EFCAB9: variants seen among roughly 807,000 people sequenced by gnomAD.
EFCAB9 encodes the protein EF-hand calcium-binding domain-containing protein 9.
A neutral mutation model predicts 15.6 loss-of-function variants in EFCAB9; 16 were observed. The observed-to-expected ratio is 1.03, with a 90% CI of 0.69 to 1.56. The LOEUF (loss-of-function observed/expected upper bound fraction) is 1.56. Ranked by LOEUF, EFCAB9 falls within the 40% of genes most tolerant of loss-of-function variation. The pLI is 0.00. For missense variants in EFCAB9, 208 were observed against 235.4 expected (o/e 0.88, Z 0.76); for synonymous variants, 76 against 85.4 (o/e 0.89, Z 0.61).
intron 3 of EFCAB9, among the ~76,000 whole-genome samples, chr5:172,202,353 A>AAAAAG (rs1771269560): frequency 6.7e-6 from 1 of 149,362 alleles, no homozygotes; most frequent in African/African-American, 2.5e-5. Context: ...AAAAAAAAAA[A>AAAAAG]AAAGAAAGTA....
chr5:172,199,069 C>A (rs532239262), intron 1 of EFCAB9, among the ~76,000 whole-genome samples: 1 of 152,190 alleles, frequency 6.6e-6, no homozygotes, highest in Non-Finnish European at 1.5e-5. Flanking sequence ...TATATGTTAG[C>A]GCCTTGCCTT....
chr5:172,199,659 G>T, intron 2 of EFCAB9, 128 bp downstream of exon 2: 1 of 1,354,916 alleles, frequency 7.4e-7, no homozygotes, highest in Non-Finnish European at 9.8e-7. Flanking sequence ...ATGAGTTTTG[G>T]TTCCCGAATG....
intron 1 of EFCAB9, among the ~76,000 whole-genome samples, chr5:172,195,442 A>G (rs1771144882): frequency 6.6e-6 from 1 of 152,364 alleles, no homozygotes; most frequent in Non-Finnish European, 1.5e-5. Context: ...TTCTCTCTTT[A>G]CATAGAGATT....
chr5:172,197,903 C>G (rs1422413920), intron 1 of EFCAB9, among the ~76,000 whole-genome samples: 1 of 151,938 alleles, frequency 6.6e-6, no homozygotes, highest in Non-Finnish European at 1.5e-5. Flanking sequence ...GTGCTGATTG[C>G]TCCATTTTAC....
chr5:172,198,805 A>G (rs1451922012), intron 1 of EFCAB9, among the ~76,000 whole-genome samples: 5 of 152,138 alleles, frequency 3.3e-5, no homozygotes, highest in Non-Finnish European at 7.4e-5. Context: ...TAGTAGAGAC[A>G]GGGTTTCACC....
At chr5:172,200,025 C>T (rs1437315838) in intron 2 of EFCAB9, among the ~76,000 whole-genome samples, 2 of 150,546 alleles carry the variant, frequency 1.3e-5, no homozygotes, top group African/African-American at 2.5e-5. Context: ...CAACCTCCAC[C>T]ATCTGGGTTC....
In EFCAB9 at chr5:172,199,304, C is replaced by T; in HGVS notation, c.137-79C>T. The T allele has an allele frequency of 2.8e-6, 4 of 1,446,252 alleles. No homozygotes were observed. The East Asian group carries it at 1.0e-4, about 36-fold the overall frequency. 89.6% of individuals were successfully genotyped at this position (1,446,252 alleles called of 1,614,324 possible). A position where few individuals can be genotyped will look rare whatever the true frequency, so the allele number is the denominator to read the frequency against. ...ATCAATAAGCTTCCAACATCACTAC[C>T]ATTTACATGGCTTCTAGCTGTTTAG... On this transcript the variant is annotated intron_variant, in intron 1 of 3. Transcript: ENST00000398186.
At chr5:172,194,904 T>C (rs1227316464) in intron 1 of EFCAB9, among the ~76,000 whole-genome samples, 1 of 150,912 alleles carries the variant, frequency 6.6e-6, no homozygotes, top group Non-Finnish European at 1.5e-5. Flanking sequence ...AGGCTTCTCA[T>C]AATGGAGTCC....
At chr5:172,199,063 T>A (rs1771209143) in intron 1 of EFCAB9, among the ~76,000 whole-genome samples, 1 of 152,252 alleles carries the variant, frequency 6.6e-6, no homozygotes, top group Admixed American at 6.5e-5. Context: ...CCATTTTATA[T>A]GTTAGCGCCT....
chr5:172,196,122 G>A (rs147578013), intron 1 of EFCAB9, among the ~76,000 whole-genome samples: 13 of 152,046 alleles, frequency 8.6e-5, no homozygotes, highest in Non-Finnish European at 1.6e-4. Context: ...TATCACACCC[G>A]GCCTCAAAAC....
intron 1 of EFCAB9, among the ~76,000 whole-genome samples, chr5:172,197,465 T>G (rs1561842444): frequency 6.6e-6 from 1 of 152,212 alleles, no homozygotes; most frequent in Non-Finnish European, 1.5e-5. Context: ...CCACATCACC[T>G]AGGAGCTTGG....
intron 3 of EFCAB9, among the ~76,000 whole-genome samples, chr5:172,202,980 CAGAG>C (rs1200118221): frequency 1.3e-5 from 2 of 152,172 alleles, no homozygotes; most frequent in Non-Finnish European, 2.9e-5. Flanking sequence ...GCCTGGGCGA[CAGAG>C]AGAGACTCCG....
At chr5:172,195,179 AATAAAAAT>A (rs1001133900) in intron 1 of EFCAB9, among the ~76,000 whole-genome samples, 2 of 146,012 alleles carry the variant, frequency 1.4e-5, no homozygotes, top group African/African-American at 5.1e-5. Context: ...TAAATAAATA[AATAAAAAT>A]AAATAAATAA....
intron 3 of EFCAB9, among the ~76,000 whole-genome samples, chr5:172,201,454 GA>G (rs2113861522): frequency 6.6e-6 from 1 of 152,284 alleles, no homozygotes; most frequent in East Asian, 1.9e-4. Flanking sequence ...GGCTGAGGCA[GA>G]AGAATCACTT....
chr5:172,198,898 G>A (rs937240834), intron 1 of EFCAB9, among the ~76,000 whole-genome samples: 1 of 152,224 alleles, frequency 6.6e-6, no homozygotes, highest in Non-Finnish European at 1.5e-5. Context: ...ACAGGCATGA[G>A]CTACTGTGCC....
chr5:172,199,297 T>C (rs1433387270), intron 1 of EFCAB9, 86 bp from the exon 2 acceptor site: 1 of 1,414,258 alleles, frequency 7.1e-7, no homozygotes, highest in African/African-American at 1.4e-5. Context: ...GCTTCCAACA[T>C]CACTACCATT....
intron 1 of EFCAB9, among the ~76,000 whole-genome samples, chr5:172,197,950 G>C (rs1196678558): frequency 6.6e-6 from 1 of 152,122 alleles, no homozygotes; most frequent in Non-Finnish European, 1.5e-5. Flanking sequence ...CCTTTAGTTA[G>C]ACACAGAGTG....
In EFCAB9 at chr5:172,199,541, C is replaced by T. The variant is rs778266167; in HGVS notation, c.285+10C>T. 8.9e-5 allele frequency: 137 copies of T among 1,536,566 alleles called. No homozygotes were observed. Among genetic ancestry groups the T allele is most frequent in the East Asian group, 4.9e-5 (2 of 40,902 alleles). The stretch of plus-strand genomic sequence containing the variant: ...GCTGCTGGCCCACCAGGCAAGTAGC[C>T]GCGCGGCTGCTGCCATCCTCTTGCT... On this transcript the variant is annotated intron_variant, in intron 2 of 3. Transcript: ENST00000398186.
intron 3 of EFCAB9, among the ~76,000 whole-genome samples, chr5:172,201,958 T>G (rs920451604): frequency 6.6e-6 from 1 of 152,206 alleles, no homozygotes; most frequent in Non-Finnish European, 1.5e-5. Flanking sequence ...GATCACACTG[T>G]GAACAACCTT....
Sources: gnomAD v4.1 joint callset for allele counts (sites outside exome capture counted in the v4.1 genomes callset) on GRCh38, gnomAD v4.1.1 for gene constraint, MANE v1.5 for transcripts, NCBI Gene and HGNC (gene_info 2026-07-23, HGNC 2026-07-21) for gene names.